Variants in ST3GAL1 observed in about 807,000 individuals in gnomAD.
The protein encoded by ST3GAL1 is ST3 beta-galactoside alpha-2,3-sialyltransferase 1.
A neutral mutation model predicts 34.1 loss-of-function variants in ST3GAL1; 16 were observed. The ratio of observed to expected loss-of-function variants is 0.47; its 90% CI spans 0.32 to 0.71. ST3GAL1 has a LOEUF of 0.71. Among genes scored for constraint, ST3GAL1 ranks in the 30% least tolerant of loss-of-function variants. The probability of loss-of-function intolerance (pLI) is 0.04; values close to 1 mark genes in which losing one functional copy is unlikely to be tolerated. For synonymous variants in ST3GAL1, 191 were observed against 184.7 expected (o/e 1.03, Z -0.28); for missense variants, 353 against 447.4 (o/e 0.79, Z 1.90).
intron 3 of ST3GAL1, among the ~76,000 whole-genome samples, chr8:133,479,167 T>C (rs1279676515): frequency 6.6e-6 from 1 of 152,190 alleles, no homozygotes; most frequent in Non-Finnish European, 1.5e-5. Context: ...ATTCATTGAC[T>C]GCATATTTGC....
At chr8:133,528,604 T>A (rs564880554) in intron 2 of ST3GAL1, among the ~76,000 whole-genome samples, 153 of 152,368 alleles carry the variant, frequency 1.0e-3, no homozygotes, top group African/African-American at 3.6e-3. Context: ...TTCCCACCTA[T>A]TTTTGTAAAT....
At chr8:133,480,034 G>T (rs1243828820) in intron 3 of ST3GAL1, among the ~76,000 whole-genome samples, 2 of 152,170 alleles carry the variant, frequency 1.3e-5, no homozygotes, top group Non-Finnish European at 2.9e-5. Flanking sequence ...AAAGATCTCT[G>T]CATGTCAAGT....
At chr8:133,514,290 CAGCAAGCTCCCTGG>C (rs72287877) in intron 2 of ST3GAL1, among the ~76,000 whole-genome samples, 5,608 of 152,294 alleles carry the variant, frequency 0.037, 105 homozygotes, top group African/African-American at 0.054. Context: ...CCACCCAGTA[CAGCAAGCTCCCTGG>C]CCACAGGCAT....
Position 133,538,235 on chromosome 8 carries a change from C to G in ST3GAL1, c.-429+7539G>C, listed in dbSNP as rs891084329. 3.9e-5 allele frequency among the ~76,000 whole-genome samples: 6 copies of G among 152,232 alleles called. No individual in the cohort carries two copies. The East Asian group carries it at 1.2e-3, about 29-fold the overall frequency. On this transcript the variant is annotated intron_variant, in intron 2 of 9. Transcript: ENST00000522652. ...CATTGAATTAAAACCTACTGAATGGCCGGGCATGGTGGCTCATGTCTGTAA... is the reference window on the plus strand; with the variant it reads ...CATTGAATTAAAACCTACTGAATGGGCGGGCATGGTGGCTCATGTCTGTAA...
At chr8:133,554,915 G>A (rs972505109) in intron 1 of ST3GAL1, among the ~76,000 whole-genome samples, 2 of 151,894 alleles carry the variant, frequency 1.3e-5, no homozygotes, top group South Asian at 2.1e-4. Context: ...TTTTAGTAGA[G>A]GTGGGGTTTC....
chr8:133,497,996 C>T (rs188915625), intron 3 of ST3GAL1, among the ~76,000 whole-genome samples: 3 of 152,344 alleles, frequency 2.0e-5, no homozygotes, highest in Admixed American at 6.5e-5. Context: ...TGTTCCTACC[C>T]CAGAATCCAT....
intron 2 of ST3GAL1, among the ~76,000 whole-genome samples, chr8:133,545,252 G>C (rs1056081448): frequency 9.2e-4 from 140 of 152,388 alleles, no homozygotes; most frequent in African/African-American, 3.2e-3. Flanking sequence ...GCAGCCACAC[G>C]GTCTCTATGG....
chr8:133,496,564 T>C (rs1411128641), intron 3 of ST3GAL1, among the ~76,000 whole-genome samples: 1 of 152,132 alleles, frequency 6.6e-6, no homozygotes, highest in Non-Finnish European at 1.5e-5. Flanking sequence ...ACCTTTCTGT[T>C]CCATTTTCAG....
At chr8:133,506,811 T>A (rs1817355970) in intron 2 of ST3GAL1, among the ~76,000 whole-genome samples, 1 of 151,478 alleles carries the variant, frequency 6.6e-6, no homozygotes, top group Non-Finnish European at 1.5e-5. Context: ...AAAGCTGGGC[T>A]GGGTGTGGTG....
At chr8:133,501,724 G>A (rs774781374) in intron 2 of ST3GAL1, among the ~76,000 whole-genome samples, 1 of 150,188 alleles carries the variant, frequency 6.7e-6, no homozygotes, top group Non-Finnish European at 1.5e-5. Flanking sequence ...GCTCCAACCT[G>A]GGTGACAAGA....
At chr8:133,516,640 C>T (rs1817656820) in intron 2 of ST3GAL1, among the ~76,000 whole-genome samples, 1 of 152,176 alleles carries the variant, frequency 6.6e-6, no homozygotes, top group African/African-American at 2.4e-5. Flanking sequence ...CAATTTAGAT[C>T]CATCCATTCA....
At chr8:133,562,461 G>A (rs1021725742) in intron 1 of ST3GAL1, among the ~76,000 whole-genome samples, 2 of 152,150 alleles carry the variant, frequency 1.3e-5, no homozygotes, top group African/African-American at 4.8e-5. Context: ...GGCCACCTCA[G>A]CCTCCCAAAG....
At chr8:133,486,255 T>C (rs921647735) in intron 3 of ST3GAL1, among the ~76,000 whole-genome samples, 1 of 152,212 alleles carries the variant, frequency 6.6e-6, no homozygotes. Flanking sequence ...CTCCTTGCTG[T>C]CTGAGCTGTG....
chr8:133,475,458 A>G (rs147609372), intron 5 of ST3GAL1, among the ~76,000 whole-genome samples: 1,698 of 152,328 alleles, frequency 0.011, 33 homozygotes, highest in African/African-American at 0.039. Context: ...TGACTTAGAT[A>G]TAATAGATCC....
At position 133,503,157 on chromosome 8, in the gene ST3GAL1, T is replaced by C. The variant is rs138306370; in HGVS notation, c.-428-3968A>G. Among the ~76,000 whole-genome samples the C allele has an allele frequency of 4.8e-3, 733 of 152,346 alleles. 5 individuals carry two copies. The highest frequency in any genetic ancestry group is 0.01 in the Middle Eastern group (3 of 294). On this transcript the variant is annotated intron_variant, in intron 2 of 9. Coordinates refer to ENST00000522652, the MANE Select transcript of ST3GAL1 (RefSeq NM_173344.3). ...TTGTAACGAACAAGAAATAAACACC[T>C]GTTGCAAGTCACTGAGCTTGGAAGA... is the stretch of plus-strand genomic sequence containing the variant.
intron 1 of ST3GAL1, among the ~76,000 whole-genome samples, chr8:133,546,478 CAAAA>C (rs10553471): frequency 1.7e-4 from 20 of 114,742 alleles, no homozygotes; most frequent in Admixed American, 2.7e-4. Context: ...GAGACTCCGT[CAAAA>C]AAAAAAAAAA....
chr8:133,531,249 T>C (rs1050587481), intron 2 of ST3GAL1, among the ~76,000 whole-genome samples: 8 of 152,198 alleles, frequency 5.3e-5, no homozygotes, highest in Non-Finnish European at 7.3e-5. Flanking sequence ...CATGACTATA[T>C]AGTACACACA....
chr8:133,549,212 C>T (rs1818754015), intron 1 of ST3GAL1, among the ~76,000 whole-genome samples: 2 of 151,336 alleles, frequency 1.3e-5, no homozygotes, highest in South Asian at 4.2e-4. Flanking sequence ...ACCAGCCTGA[C>T]CAACATGGAG....
Position 133,521,526 on chromosome 8 carries a change from T to C in ST3GAL1, c.-428-22337A>G, listed in dbSNP as rs1817809403. Among the ~76,000 whole-genome samples, 3 of 152,362 alleles carry C rather than the reference T, an allele frequency of 2.0e-5. No homozygotes were observed. In the South Asian group the frequency reaches 6.2e-4, roughly 32 times the overall value. On this transcript the variant is annotated intron_variant, in intron 2 of 9. Transcript: ENST00000522652. The stretch of plus-strand genomic sequence containing the variant: ...CTTGGCCAGGCTCGTCTCAAACTCC[T>C]GACCTCGTGATCCACCCACCTCGGC...
Sources: allele counts gnomAD v4.1 joint callset (sites outside exome capture counted in the v4.1 genomes callset), GRCh38; gene constraint gnomAD v4.1.1; transcripts MANE v1.5; gene names NCBI Gene and HGNC (gene_info 2026-07-23, HGNC 2026-07-21).